The following UGT1A8 variants were observed in gnomAD, a reference collection of about 807,000 sequenced individuals.
The protein encoded by UGT1A8 is UDP glucuronosyltransferase family 1 member A8, also known as UDP-glucuronosyltransferase 1A8.
UGT1A8 carries 39 observed loss-of-function variants against 45.3 expected under a neutral mutation model. The observed-to-expected ratio is 0.86, with a 90% CI of 0.67 to 1.12. The LOEUF (loss-of-function observed/expected upper bound fraction) is 1.12. Ranked by LOEUF, UGT1A8 falls within the 50% of genes most tolerant of loss-of-function variation. UGT1A8 has a pLI of 0.00. For missense variants in UGT1A8, 719 were observed against 664.9 expected, an observed-to-expected ratio of 1.08 and a Z score of -0.90; for synonymous variants, 275 against 249.2, an observed-to-expected ratio of 1.10 and a Z score of -0.97.
chr2:233,743,851 C>A lies in UGT1A8; in HGVS notation c.856-23183C>A, dbSNP rs375874968. The A allele has an allele frequency of 4.4e-6, 6 of 1,367,244 alleles. No individual in the cohort carries two copies. The Admixed American group carries it at 1.1e-4, about 26-fold the overall frequency. The allele number at this position is 1,367,244 out of a possible 1,614,324, so 84.7% of individuals were successfully genotyped here. A position where few individuals can be genotyped will look rare whatever the true frequency, so the allele number is the denominator to read the frequency against. ...GCCACTTGAGCGCCAGCTTGCGGTA[C>A]GCCTTCTTGATGGCCTCGGATGAGG... is the stretch of plus-strand genomic sequence containing the variant. On this transcript the variant is annotated intron_variant, in intron 1 of 4. Transcript: ENST00000373450.
At chr2:233,658,815 T>C (rs1429874145) in intron 1 of UGT1A8, among the ~76,000 whole-genome samples, 1 of 152,258 alleles carries the variant, frequency 6.6e-6, no homozygotes, top group Non-Finnish European at 1.5e-5. Flanking sequence ...GACTTTCTAC[T>C]CTGTTCCATT....
chr2:233,634,309 T>C (rs1471234814), intron 1 of UGT1A8, among the ~76,000 whole-genome samples: 1 of 152,226 alleles, frequency 6.6e-6, no homozygotes, highest in Non-Finnish European at 1.5e-5. Context: ...GAGAGTTCTA[T>C]ACATGTGTAT....
At chr2:233,682,507 C>G in intron 1 of UGT1A8, 1 of 1,613,928 alleles carries the variant, frequency 6.2e-7, no homozygotes, top group Non-Finnish European at 8.5e-7. Context: ...TTTCCTATGT[C>G]CCCAGACTTC....
At position 233,744,814 on chromosome 2, in the gene UGT1A8, C is replaced by T. The variant is rs571865422; in HGVS notation, c.856-22220C>T. 9.2e-5 allele frequency among the ~76,000 whole-genome samples: 14 copies of T among 152,002 alleles called. No individual in the cohort carries two copies. In the East Asian group the frequency reaches 9.6e-4, roughly 10 times the overall value. On this transcript the variant is annotated intron_variant, in intron 1 of 4. Transcript: ENST00000373450. ...CTTGGGGATCCCTAGGATTTCCTGG[C>T]TCATACTTTGAGAATCGCTAGTCTA...
chr2:233,712,323 T>C (rs1173585245), intron 1 of UGT1A8, among the ~76,000 whole-genome samples: 1 of 149,960 alleles, frequency 6.7e-6, no homozygotes, highest in Non-Finnish European at 1.5e-5. Flanking sequence ...ACAAAGCCTT[T>C]CCAAGAATCT....
chr2:233,634,950 T>C (rs1452938788), intron 1 of UGT1A8, among the ~76,000 whole-genome samples: 1 of 150,792 alleles, frequency 6.6e-6, no homozygotes, highest in African/African-American at 2.5e-5. Flanking sequence ...CGGTTTTTTC[T>C]TTCCATATTT....
chr2:233,632,878 A>T (rs995928478), intron 1 of UGT1A8, among the ~76,000 whole-genome samples: 1 of 152,146 alleles, frequency 6.6e-6, no homozygotes, highest in African/African-American at 2.4e-5. Context: ...GTTGAATAGG[A>T]GTGGTGAGAG....
chr2:233,675,207 A>G (rs2074314536), intron 1 of UGT1A8, among the ~76,000 whole-genome samples: 1 of 152,174 alleles, frequency 6.6e-6, no homozygotes, highest in Admixed American at 6.5e-5. Context: ...CCCGTCTTCA[A>G]TGTCAGGGAT....
At chr2:233,726,774 A>G (rs1289365787) in intron 1 of UGT1A8, among the ~76,000 whole-genome samples, 2 of 152,220 alleles carry the variant, frequency 1.3e-5, no homozygotes, top group African/African-American at 4.8e-5. Flanking sequence ...CTAAGCTTAA[A>G]GTGAAACCCA....
chr2:233,684,198 C>T (rs1414669213), intron 1 of UGT1A8, among the ~76,000 whole-genome samples: 1 of 152,134 alleles, frequency 6.6e-6, no homozygotes, highest in African/African-American at 2.4e-5. Context: ...AGTGACTGTT[C>T]AACCAACTCA....
intron 1 of UGT1A8, chr2:233,760,677 A>G (rs555950591): frequency 6.2e-7 from 1 of 1,614,148 alleles, no homozygotes; most frequent in Non-Finnish European, 8.5e-7. Context: ...GTTCCCACTT[A>G]CTGCACAACA....
chr2:233,668,258 A>C (rs890181150), intron 1 of UGT1A8, among the ~76,000 whole-genome samples: 2 of 151,834 alleles, frequency 1.3e-5, no homozygotes, highest in African/African-American at 4.8e-5. Context: ...CCCTGTGTCC[A>C]AGTGTTCTCA....
chr2:233,636,708 G>A (rs781114284), intron 1 of UGT1A8: 6 of 1,614,172 alleles, frequency 3.7e-6, no homozygotes, highest in Non-Finnish European at 5.1e-6. Flanking sequence ...TGCCAGAGGT[G>A]AGTTGGCAAC....
chr2:233,693,372 T>G (rs1266253057), intron 1 of UGT1A8: 3 of 1,614,178 alleles, frequency 1.9e-6, no homozygotes, highest in Non-Finnish European at 1.7e-6. Context: ...GGCCTGTACT[T>G]CATCAACTGC....
At chr2:233,754,114 G>C (rs1442882252) in intron 1 of UGT1A8, among the ~76,000 whole-genome samples, 2 of 152,128 alleles carry the variant, frequency 1.3e-5, no homozygotes, top group Non-Finnish European at 2.9e-5. Flanking sequence ...CCTACATCAC[G>C]AGCATTTATG....
At chr2:233,641,062 T>A (rs2073438928) in intron 1 of UGT1A8, among the ~76,000 whole-genome samples, 1 of 152,174 alleles carries the variant, frequency 6.6e-6, no homozygotes, top group Non-Finnish European at 1.5e-5. Flanking sequence ...ACTGCAACCT[T>A]GGCATTATCA....
At chr2:233,703,642 A>C (rs548385935) in intron 1 of UGT1A8, among the ~76,000 whole-genome samples, 1 of 152,128 alleles carries the variant, frequency 6.6e-6, no homozygotes, top group African/African-American at 2.4e-5. Context: ...TAGTATAACC[A>C]ATCTGCATTT....
intron 1 of UGT1A8, among the ~76,000 whole-genome samples, chr2:233,724,415 C>G (rs1413397133): frequency 7.9e-6 from 1 of 126,926 alleles, no homozygotes; most frequent in East Asian, 2.6e-4. Context: ...GGGTGGCTGC[C>G]GGGCGGAGAG....
intron 1 of UGT1A8, among the ~76,000 whole-genome samples, chr2:233,661,624 T>TTTCTTTCTTTCC (rs1468607061): frequency 1.4e-4 from 2 of 14,108 alleles, no homozygotes; most frequent in Non-Finnish European, 2.9e-4. Context: ...CTTACTGAAT[T>TTTCTTTCTTTCC]TTCTTTCTTT....
Sources: gnomAD v4.1 joint callset for allele counts (sites outside exome capture counted in the v4.1 genomes callset) on GRCh38, gnomAD v4.1.1 for gene constraint, MANE v1.5 for transcripts, NCBI Gene and HGNC (gene_info 2026-07-23, HGNC 2026-07-21) for gene names.